The following CLIC5 variants were observed in gnomAD, a reference collection of about 807,000 sequenced individuals.
CLIC5 encodes chloride intracellular channel protein 5.
CLIC5 carries 20 observed loss-of-function variants against 24.7 expected under a neutral mutation model. The observed-to-expected ratio is 0.81, with a 90% CI of 0.57 to 1.18. CLIC5 has a LOEUF of 1.18. CLIC5 is among the 50% of genes most tolerant of loss of function. The pLI is 0.00. For synonymous variants in CLIC5, 159 were observed against 135.6 expected, an observed-to-expected ratio of 1.17 and a Z score of -1.20; for missense variants, 341 against 326.1, an observed-to-expected ratio of 1.05 and a Z score of -0.35.
chr6:45,898,451 T>A (rs1762430299), downstream of CLIC5: 1 of 152,622 alleles, frequency 6.6e-6, no homozygotes, highest in African/African-American at 2.4e-5. Context: ...AGATGACCAC[T>A]TTTGTAATAT....
At chr6:45,948,602 C>A (rs568068068) in intron 3 of CLIC5, among the ~76,000 whole-genome samples, 5 of 152,254 alleles carry the variant, frequency 3.3e-5, no homozygotes, top group African/African-American at 1.2e-4. Flanking sequence ...TAATAGTATT[C>A]TTTAATGAAC....
chr6:46,055,811 G>A (rs1341845023), intron 1 of CLIC5, among the ~76,000 whole-genome samples: 1 of 152,208 alleles, frequency 6.6e-6, no homozygotes, highest in Non-Finnish European at 1.5e-5. Context: ...TACAAGGAAG[G>A]TGTTGTCTTC....
At chr6:46,113,884 T>C in the CLIC5 span, among the ~76,000 whole-genome samples, 2 of 152,178 alleles carry the variant, frequency 1.3e-5, no homozygotes, top group Non-Finnish European at 2.9e-5. Context: ...TGGCCATCCA[T>C]AAGCCAAGGA....
At chr6:45,896,551 G>A (rs1349912031), downstream of CLIC5, among the ~76,000 whole-genome samples, 1 of 152,094 alleles carries the variant, frequency 6.6e-6, no homozygotes, top group Non-Finnish European at 1.5e-5. Flanking sequence ...TTTCCCACAA[G>A]GTAAAACTTA....
intron 1 of CLIC5, among the ~76,000 whole-genome samples, chr6:45,968,964 TG>T (rs1209389975): frequency 1.3e-5 from 2 of 152,222 alleles, no homozygotes; most frequent in African/African-American, 4.8e-5. Context: ...TTTCCCTCTC[TG>T]GGTCTTAATC....
intron 1 of CLIC5, among the ~76,000 whole-genome samples, chr6:45,979,230 T>C (rs185718744): frequency 2.0e-4 from 30 of 152,280 alleles, no homozygotes; most frequent in Admixed American, 1.4e-3. Context: ...CCAGGACACA[T>C]GTATTATATG....
At position 46,025,863 on chromosome 6, in the gene CLIC5, C is replaced by T. The variant is rs555184331; in HGVS notation, c.540+53840G>A. Among the ~76,000 whole-genome samples the T allele has an allele frequency of 1.4e-3, 213 of 152,232 alleles. 1 individual carries two copies. The highest frequency in any genetic ancestry group is 4.9e-3 in the African/African-American group (203 of 41,546). On this transcript the variant is annotated intron_variant, in intron 1 of 5. Transcript: ENST00000185206. ...GATCTGATGGTTTAAAAGTCTGTGG[C>T]ACTTCCCCCTTTGTTCTCTCTCTCT...
At chr6:45,987,020 C>T (rs1765766990) in intron 1 of CLIC5, among the ~76,000 whole-genome samples, 2 of 152,150 alleles carry the variant, frequency 1.3e-5, no homozygotes, top group Non-Finnish European at 2.9e-5. Flanking sequence ...GTCAGTGTGC[C>T]TCTTGTGTTG....
upstream of CLIC5, among the ~76,000 whole-genome samples, chr6:46,083,385 C>G (rs1342283403): frequency 6.6e-6 from 1 of 152,214 alleles, no homozygotes; most frequent in African/African-American, 2.4e-5. Context: ...AATTTTGGAT[C>G]TTTCCTGCTT....
chr6:46,044,784 A>G (rs1263701104), intron 1 of CLIC5, among the ~76,000 whole-genome samples: 2 of 152,232 alleles, frequency 1.3e-5, no homozygotes, highest in African/African-American at 2.4e-5. Flanking sequence ...ACAATTAATG[A>G]AAGTTACAAT....
intron 6 of CLIC5, among the ~76,000 whole-genome samples, chr6:45,890,966 C>T (rs1052867705): frequency 2.6e-5 from 4 of 152,016 alleles, no homozygotes; most frequent in East Asian, 1.9e-4. Flanking sequence ...AACAGGTTCA[C>T]GGTTACAGAT....
intron 6 of CLIC5, among the ~76,000 whole-genome samples, chr6:45,888,228 G>A (rs1462598109): frequency 6.6e-6 from 1 of 152,148 alleles, no homozygotes; most frequent in African/African-American, 2.4e-5. Flanking sequence ...AATGAGTGGG[G>A]TACTATAAAC....
chr6:45,972,270 C>T (rs11755075), intron 1 of CLIC5, among the ~76,000 whole-genome samples: 99,508 of 151,964 alleles, frequency 0.65, 32,904 homozygotes, highest in Admixed American at 0.73. Context: ...TGTCTCCATC[C>T]CTGTAATTGG....
intron 1 of CLIC5, among the ~76,000 whole-genome samples, chr6:45,991,794 A>G (rs1765951178): frequency 6.6e-6 from 1 of 152,172 alleles, no homozygotes; most frequent in African/African-American, 2.4e-5. Context: ...TAGTAGAAAG[A>G]GAGGTTAATG....
the CLIC5 span, among the ~76,000 whole-genome samples, chr6:46,087,870 C>CT: frequency 6.6e-6 from 1 of 152,126 alleles, no homozygotes; most frequent in African/African-American, 2.4e-5. Flanking sequence ...GGTGTTAATG[C>CT]TAAGTGTACT....
At chr6:46,012,743 C>T (rs967522611) in intron 1 of CLIC5, among the ~76,000 whole-genome samples, 2 of 152,164 alleles carry the variant, frequency 1.3e-5, no homozygotes, top group Middle Eastern at 3.2e-3. Flanking sequence ...TATTGTTCAA[C>T]AGAACAGGAG....
chr6:45,955,029 G>A (rs1764596316), intron 2 of CLIC5, 106 bp downstream of exon 2: 1 of 715,602 alleles, frequency 1.4e-6, no homozygotes, highest in Admixed American at 2.4e-5. Context: ...ACAATGACGT[G>A]TGAGCAGGGG....
intron 5 of CLIC5, chr6:45,912,760 G>A (rs1378328404): frequency 4.0e-6 from 6 of 1,482,740 alleles, no homozygotes; most frequent in Non-Finnish European, 5.5e-6. Flanking sequence ...GAAGAATAAA[G>A]GATGATGGGT....
chr6:46,079,144 G>T (rs984954773), intron 1 of CLIC5, among the ~76,000 whole-genome samples: 1 of 152,160 alleles, frequency 6.6e-6, no homozygotes, highest in African/African-American at 2.4e-5. Flanking sequence ...GTTCTGTTTA[G>T]ATATCGTAAG....
Sources: gnomAD v4.1 joint callset for allele counts (sites outside exome capture counted in the v4.1 genomes callset) on GRCh38, gnomAD v4.1.1 for gene constraint, MANE v1.5 for transcripts, NCBI Gene and HGNC (gene_info 2026-07-23, HGNC 2026-07-21) for gene names.